MYO16: variants seen among roughly 807,000 people sequenced by gnomAD.
MYO16 encodes the protein myosin XVI.
A neutral mutation model predicts 205.3 loss-of-function variants in MYO16; 94 were observed. That is an observed-to-expected ratio of 0.46 (90% confidence interval 0.39 to 0.54). The LOEUF (loss-of-function observed/expected upper bound fraction) is 0.54, where lower values mean the gene tolerates loss of function less well. MYO16 is among the 20% of genes least tolerant of loss of function. The pLI, the probability that MYO16 is intolerant of heterozygous loss-of-function variation, is 0.00. For synonymous variants in MYO16, 988 were observed against 954.0 expected (o/e 1.04, Z -0.66); for missense variants, 2,315 against 2,387.5 (o/e 0.97, Z 0.63).
At chr13:109,172,157 A>T (rs980763933) in intron 33 of MYO16, among the ~76,000 whole-genome samples, 10 of 152,238 alleles carry the variant, frequency 6.6e-5, no homozygotes, top group Non-Finnish European at 4.4e-5. Context: ...GTTGGAACCC[A>T]TAAATATCTT....
chr13:108,980,204 A>G (rs2139412459), intron 20 of MYO16, among the ~76,000 whole-genome samples: 1 of 152,356 alleles, frequency 6.6e-6, no homozygotes, highest in South Asian at 2.1e-4. Flanking sequence ...TGTATACGAA[A>G]TGCAATGATT....
At chr13:108,578,668 C>T in the MYO16 span, among the ~76,000 whole-genome samples, 24 of 152,300 alleles carry the variant, frequency 1.6e-4, no homozygotes, top group African/African-American at 4.6e-4. Context: ...AACAACCTGG[C>T]ATCCTGGTGC....
At chr13:108,698,819 C>A (rs145040332) in intron 2 of MYO16, among the ~76,000 whole-genome samples, 3,915 of 152,218 alleles carry the variant, frequency 0.026, 85 homozygotes, top group Non-Finnish European at 0.04. Context: ...TTCGTCCTGT[C>A]CCCAAAATTG....
chr13:109,027,792 G>A (rs1289113485), intron 23 of MYO16, among the ~76,000 whole-genome samples: 1 of 151,996 alleles, frequency 6.6e-6, no homozygotes, highest in Admixed American at 6.6e-5. Context: ...CCCAACAATG[G>A]CTGAAGGTCT....
intron 20 of MYO16, among the ~76,000 whole-genome samples, chr13:108,974,327 G>C (rs753022172): frequency 2.6e-5 from 4 of 151,992 alleles, no homozygotes; most frequent in Non-Finnish European, 4.4e-5. Context: ...AAACTTTATA[G>C]TGTATCTCAA....
rs910886822 is a variant in MYO16, at chr13:108,995,588, C to G, written c.2442+3140C>G. Among the ~76,000 whole-genome samples, 11 of 152,040 alleles carry G rather than the reference C, an allele frequency of 7.2e-5. No individual in the cohort carries two copies. The East Asian group carries it at 7.7e-4, about 11-fold the overall frequency. Reference sequence around the variant, plus strand: ...ATATCTCCAAATGCTATCCCTCCCCCCTCTCCCCACTCCACAACAGGCCCT... The same window carrying G: ...ATATCTCCAAATGCTATCCCTCCCCGCTCTCCCCACTCCACAACAGGCCCT... On this transcript the variant is annotated intron_variant, in intron 21 of 34. Coordinates refer to ENST00000457511, the MANE Select transcript of MYO16 (RefSeq NM_001198950.3).
intron 1 of MYO16, among the ~76,000 whole-genome samples, chr13:108,644,350 A>ATCTATCTG (rs1880642596): frequency 7.2e-6 from 1 of 138,604 alleles, no homozygotes; most frequent in Admixed American, 7.4e-5. Context: ...TCTACCATCT[A>ATCTATCTG]TCTGTCTGTC....
At chr13:108,779,354 A>AT (rs1246060529) in intron 4 of MYO16, among the ~76,000 whole-genome samples, 1 of 152,244 alleles carries the variant, frequency 6.6e-6, no homozygotes, top group African/African-American at 2.4e-5. Flanking sequence ...TAGTAAAAAA[A>AT]CAAACAAAAC....
At position 109,104,031 on chromosome 13, in the gene MYO16, A is replaced by T. The variant is rs61968410; in HGVS notation, c.3438+3144A>T. Among the ~76,000 whole-genome samples the T allele has an allele frequency of 9.0e-3, 1,373 of 152,290 alleles. 8 individuals carry two copies. Among genetic ancestry groups the T allele is most frequent in the Middle Eastern group, 0.027 (8 of 294 alleles). ...ACGTACAGGAGTGACCTTATTTTAGATTTGAGGTAATGGAACGTCACAGAG... is the reference window on the plus strand; with the variant it reads ...ACGTACAGGAGTGACCTTATTTTAGTTTTGAGGTAATGGAACGTCACAGAG... On this transcript the variant is annotated intron_variant, in intron 28 of 34. Coordinates refer to ENST00000457511, the MANE Select transcript of MYO16 (RefSeq NM_001198950.3).
chr13:108,871,774 C>G (rs9555526), intron 12 of MYO16, among the ~76,000 whole-genome samples: 16,085 of 152,170 alleles, frequency 0.11, 873 homozygotes, highest in Middle Eastern at 0.13. Context: ...CACAGCGGCA[C>G]TGTGTGCTGG....
intron 32 of MYO16, among the ~76,000 whole-genome samples, chr13:109,143,086 A>G (rs1877175978): frequency 6.6e-6 from 1 of 152,082 alleles, no homozygotes; most frequent in Admixed American, 6.5e-5. Flanking sequence ...TATCTTCCTT[A>G]GGGTTAAGTG....
At chr13:108,763,787 T>TTTTGTG (rs150965677) in intron 4 of MYO16, among the ~76,000 whole-genome samples, 1 of 142,536 alleles carries the variant, frequency 7.0e-6, no homozygotes, top group Middle Eastern at 3.2e-3. Flanking sequence ...AGAAAAGGAG[T>TTTTGTG]TGTGTGTGTG....
At chr13:109,131,416 T>C (rs1876533319) in intron 31 of MYO16, among the ~76,000 whole-genome samples, 1 of 152,192 alleles carries the variant, frequency 6.6e-6, no homozygotes, top group African/African-American at 2.4e-5. Flanking sequence ...AGGAAAACAG[T>C]ACAGAGAGCA....
intron 9 of MYO16, among the ~76,000 whole-genome samples, chr13:108,833,619 T>C (rs576553131): frequency 1.3e-5 from 2 of 152,316 alleles, no homozygotes; most frequent in Non-Finnish European, 2.9e-5. Context: ...GCTTTAGTTA[T>C]AATGGGCGAT....
At chr13:108,662,156 C>T (rs1034029536) in intron 1 of MYO16, among the ~76,000 whole-genome samples, 3 of 152,172 alleles carry the variant, frequency 2.0e-5, no homozygotes, top group Non-Finnish European at 4.4e-5. Context: ...GTCTCTCAGC[C>T]GTGGATAACA....
At chr13:109,094,630 C>T (rs964042193) in intron 27 of MYO16, among the ~76,000 whole-genome samples, 10 of 152,170 alleles carry the variant, frequency 6.6e-5, no homozygotes, top group Non-Finnish European at 1.3e-4. Flanking sequence ...CACCTATCAA[C>T]CTGTCATCTA....
chr13:108,621,594 G>A (rs58550112), intron 1 of MYO16, among the ~76,000 whole-genome samples: 19,181 of 151,842 alleles, frequency 0.13, 1,360 homozygotes, highest in East Asian at 0.32. Context: ...AATCATCCAC[G>A]TCGTCTACTC....
intron 17 of MYO16, among the ~76,000 whole-genome samples, chr13:108,960,545 G>A (rs550608554): frequency 6.6e-6 from 1 of 152,174 alleles, no homozygotes; most frequent in South Asian, 2.1e-4. Flanking sequence ...GGAAAATCAC[G>A]GAAGTCTCAA....
At chr13:109,018,580 C>T (rs1390753601) in intron 22 of MYO16, among the ~76,000 whole-genome samples, 1 of 152,016 alleles carries the variant, frequency 6.6e-6, no homozygotes, top group South Asian at 2.1e-4. Flanking sequence ...AGTTCCATCT[C>T]GGACTAGCAG....
Sources: allele counts gnomAD v4.1 joint callset (sites outside exome capture counted in the v4.1 genomes callset), GRCh38; gene constraint gnomAD v4.1.1; transcripts MANE v1.5; gene names NCBI Gene and HGNC (gene_info 2026-07-23, HGNC 2026-07-21).